TOP2B: variants seen among roughly 807,000 people sequenced by gnomAD.
TOP2B encodes DNA topoisomerase 2-beta.
TOP2B carries 51 observed loss-of-function variants against 193.5 expected under a neutral mutation model. That is an observed-to-expected ratio of 0.26 (90% CI 0.21 to 0.33). The LOEUF is 0.33. Among genes scored for constraint, TOP2B ranks in the 10% least tolerant of loss-of-function variants. The pLI, the probability that TOP2B is intolerant of heterozygous loss-of-function variation, is 1.00. For synonymous variants in TOP2B, 634 were observed against 635.7 expected (o/e 1.00, Z 0.04); for missense variants, 1,378 against 1,909.3 (o/e 0.72, Z 5.19).
intron 1 of TOP2B, among the ~76,000 whole-genome samples, chr3:25,649,535 G>C (rs987981591): frequency 2.0e-5 from 3 of 150,054 alleles, no homozygotes; most frequent in African/African-American, 7.4e-5. Flanking sequence ...GCTTCTGTTA[G>C]ATTACTAGCC....
At chr3:25,601,534 G>A (rs144048516) in intron 33 of TOP2B, among the ~76,000 whole-genome samples, 5 of 152,188 alleles carry the variant, frequency 3.3e-5, no homozygotes, top group African/African-American at 7.2e-5. Context: ...CAGGACAATC[G>A]CTTGAACCCG....
intron 1 of TOP2B, among the ~76,000 whole-genome samples, chr3:25,651,356 G>A (rs1048627625): frequency 6.6e-6 from 1 of 151,052 alleles, no homozygotes; most frequent in Admixed American, 6.6e-5. Context: ...ATCACCTGAA[G>A]ATATGTTATG....
intron 33 of TOP2B, among the ~76,000 whole-genome samples, chr3:25,603,495 G>A (rs1030797302): frequency 1.3e-5 from 2 of 152,064 alleles, no homozygotes; most frequent in African/African-American, 4.8e-5. Context: ...TGCCTGCCTC[G>A]ACCTCCCAGA....
chr3:25,610,506 C>A (rs1371620791), intron 28 of TOP2B, among the ~76,000 whole-genome samples: 2 of 152,144 alleles, frequency 1.3e-5, no homozygotes, highest in African/African-American at 4.8e-5. Flanking sequence ...GGAAGGGCAT[C>A]CCAGGCAGAA....
intron 1 of TOP2B, among the ~76,000 whole-genome samples, chr3:25,658,636 A>C (rs1323175452): frequency 6.6e-6 from 1 of 152,188 alleles, no homozygotes; most frequent in African/African-American, 2.4e-5. Flanking sequence ...CAAAAATACC[A>C]AAATAACTAT....
intron 1 of TOP2B, among the ~76,000 whole-genome samples, chr3:25,661,955 C>T (rs1235137366): frequency 6.6e-6 from 1 of 152,186 alleles, no homozygotes; most frequent in African/African-American, 2.4e-5. Flanking sequence ...TTCAATAAAG[C>T]AGACGAAGTT....
At chr3:25,652,068 A>C (rs1244564894) in intron 1 of TOP2B, among the ~76,000 whole-genome samples, 1 of 152,254 alleles carries the variant, frequency 6.6e-6, no homozygotes, top group Non-Finnish European at 1.5e-5. Flanking sequence ...CAGACAACAT[A>C]GAGTTTAAGA....
At chr3:25,631,111 CT>C (rs1372909107) in intron 10 of TOP2B, among the ~76,000 whole-genome samples, 172 bp from the exon 11 acceptor site, 1 of 152,032 alleles carries the variant, frequency 6.6e-6, no homozygotes, top group East Asian at 1.9e-4. Context: ...TACTCAACTA[CT>C]GTAAAATTAA....
At chr3:25,628,135 G>A (rs1411745580) in intron 15 of TOP2B, among the ~76,000 whole-genome samples, 3 of 149,448 alleles carry the variant, frequency 2.0e-5, no homozygotes, top group Admixed American at 6.7e-5. Context: ...TACAGTCCAG[G>A]GGAATTTTAA....
chr3:25,664,461 G>A lies in TOP2B; in HGVS notation c.-164C>T. 1 of 1,233,104 alleles carries A rather than the reference G, an allele frequency of 8.1e-7. No homozygotes were observed. Among genetic ancestry groups the A allele is most frequent in the Non-Finnish European group, 1.0e-6 (1 of 989,802 alleles). The allele number at this position is 1,233,104 out of a possible 1,614,324, so 76.4% of individuals were successfully genotyped here. On this transcript the variant is annotated 5_prime_UTR_variant, in exon 1 of 36. Transcript: ENST00000264331. ...GAAGATCCGGAGCGGACGTCCAGCC[G>A]AGCCCGCTGAGGAGGCCGCGCCGCC...
rs138244035 is a variant in TOP2B, at chr3:25,601,316, G to A, written c.4490-91C>T. ...TATATAAATGGAATTTCTTATAGCTGATTAGAAACTGAGTTGCCTGGCTGG... is the reference window on the plus strand; with the variant it reads ...TATATAAATGGAATTTCTTATAGCTAATTAGAAACTGAGTTGCCTGGCTGG... On this transcript the variant is annotated intron_variant, in intron 33 of 35. Transcript: ENST00000264331. The A allele has an allele frequency of 3.6e-5, 52 of 1,429,778 alleles. No individual in the cohort carries two copies. The East Asian group carries it at 1.2e-3, about 34-fold the overall frequency. 88.6% of individuals were successfully genotyped at this position (1,429,778 alleles called of 1,614,324 possible). A position where few individuals can be genotyped will look rare whatever the true frequency, so the allele number is the denominator to read the frequency against.
At position 25,623,656 on chromosome 3, in the gene TOP2B, A is replaced by G. The variant is rs76657458; in HGVS notation, c.2586T>C (p.Tyr862=). The G allele has an allele frequency of 1.1e-4, 179 of 1,613,702 alleles. 1 individual carries two copies. The African/African-American group carries it at 2.2e-3, about 20-fold the overall frequency. Reference sequence around the variant, plus strand: ...TTAAAACCATGGGAATTATAGGAATATACCACTCAGGCTCTACACGTTGAT... The same window carrying G: ...TTAAAACCATGGGAATTATAGGAATGTACCACTCAGGCTCTACACGTTGAT... ...DDNQRVEPEW[Y]IPIIPMVLIN... The change falls in exon 21 of 36, where the codon TAT becomes TAC. Residue 862 remains tyrosine, a synonymous_variant. Coordinates refer to ENST00000264331, the MANE Select transcript of TOP2B (RefSeq NM_001330700.2).
At chr3:25,651,618 C>A (rs1428019875) in intron 1 of TOP2B, among the ~76,000 whole-genome samples, 1 of 152,040 alleles carries the variant, frequency 6.6e-6, no homozygotes, top group Admixed American at 6.6e-5. Flanking sequence ...GTAATTCCAG[C>A]ACTTTGGGAG....
intron 15 of TOP2B, among the ~76,000 whole-genome samples, chr3:25,628,373 G>A (rs997795058): frequency 6.6e-6 from 1 of 151,800 alleles, no homozygotes; most frequent in Non-Finnish European, 1.5e-5. Flanking sequence ...TACTTGCGGG[G>A]GCTGAGGCAA....
At chr3:25,662,091 G>T (rs1381198192) in intron 1 of TOP2B, among the ~76,000 whole-genome samples, 1 of 152,202 alleles carries the variant, frequency 6.6e-6, no homozygotes, top group Non-Finnish European at 1.5e-5. Flanking sequence ...ATTTGAGTGT[G>T]CATTTCTTGA....
At chr3:25,618,357 T>C in intron 25 of TOP2B, 61 bp downstream of exon 25, 2 of 1,271,554 alleles carry the variant, frequency 1.6e-6, no homozygotes, top group South Asian at 2.5e-5. Context: ...GTTGAATTTT[T>C]GTTTGTTTTG....
rs772741527 is a variant in TOP2B at position 25,645,315 on chromosome 3, C to G, written c.225G>C (p.Val75=). ...CAATAATTACCTGCGTCAATGGCTC[C>G]ACTGACCCAATATATGTATCAGGAC... ...LLRPDTYIGS[V]EPLTQFMWVY... The change falls in exon 2 of 36, where the codon GTG becomes GTC. Residue 75 remains valine, a synonymous_variant. Transcript: ENST00000264331. 6.3e-7 allele frequency: 1 copy of G among 1,592,886 alleles called. No individual in the cohort carries two copies. Among genetic ancestry groups the G allele is most frequent in the South Asian group, 1.1e-5 (1 of 87,458 alleles).
Position 25,612,024 on chromosome 3 carries a change from G to A in TOP2B, c.3786+491C>T, listed in dbSNP as rs573445989. 1.2e-4 allele frequency among the ~76,000 whole-genome samples: 18 copies of A among 151,882 alleles called. No homozygotes were observed. The East Asian group carries it at 3.3e-3, about 28-fold the overall frequency. On this transcript the variant is annotated intron_variant, in intron 28 of 35. Transcript: ENST00000264331. ...GTGGCACAATCTCGGCTCACTGCAAGCTCCGCCTCCCGGGTTCGCACCATT... is the reference window on the plus strand; with the variant it reads ...GTGGCACAATCTCGGCTCACTGCAAACTCCGCCTCCCGGGTTCGCACCATT...
At chr3:25,615,125 T>C in intron 27 of TOP2B, 80 bp downstream of exon 27, 2 of 1,305,794 alleles carry the variant, frequency 1.5e-6, no homozygotes. Context: ...TAAAGAAAAC[T>C]TTAAGATCAC....
Sources: gnomAD v4.1 joint callset for allele counts (sites outside exome capture counted in the v4.1 genomes callset) on GRCh38, gnomAD v4.1.1 for gene constraint, MANE v1.5 for transcripts, NCBI Gene and HGNC (gene_info 2026-07-23, HGNC 2026-07-21) for gene names.